The following YME1L1 variants were observed in gnomAD, a reference collection of about 807,000 sequenced individuals.
The protein encoded by YME1L1 is ATP-dependent zinc metalloprotease YME1L1.
A neutral mutation model predicts 90.4 loss-of-function variants in YME1L1; 39 were observed. The observed-to-expected ratio is 0.43, with a 90% CI of 0.33 to 0.56. The LOEUF (loss-of-function observed/expected upper bound fraction) is 0.56. Ranked by LOEUF, YME1L1 falls within the 20% of genes least tolerant of loss-of-function variation. The probability of loss-of-function intolerance (pLI) is 0.03; values close to 1 mark genes in which losing one functional copy is unlikely to be tolerated. For synonymous variants in YME1L1, 284 were observed against 287.3 expected (o/e 0.99, Z 0.12); for missense variants, 617 against 868.4 (o/e 0.71, Z 3.64).
At chr10:27,117,084 GCAA>G (rs1040266827) in intron 15 of YME1L1, among the ~76,000 whole-genome samples, 4 of 152,204 alleles carry the variant, frequency 2.6e-5, no homozygotes, top group South Asian at 2.1e-4. Flanking sequence ...CCTTTATAAA[GCAA>G]CAACAATAGG....
intron 1 of YME1L1, among the ~76,000 whole-genome samples, chr10:27,152,194 A>G (rs2057227822): frequency 6.6e-6 from 1 of 152,236 alleles, no homozygotes; most frequent in South Asian, 2.1e-4. Flanking sequence ...TTCAAGATAC[A>G]TATTTTCTAC....
At chr10:27,133,768 T>C (rs954466876) in intron 7 of YME1L1, among the ~76,000 whole-genome samples, 1 of 152,184 alleles carries the variant, frequency 6.6e-6, no homozygotes, top group African/African-American at 2.4e-5. Flanking sequence ...TTTCAGCTTG[T>C]ATTGCCATTA....
chr10:27,134,003 T>A, intron 7 of YME1L1, 36 bp downstream of exon 7: 6 of 1,416,104 alleles, frequency 4.2e-6, no homozygotes, highest in Middle Eastern at 1.8e-4. Context: ...TTTAAAGGAA[T>A]AAGAAATAAG....
rs1220368519 is a variant in YME1L1 at position 27,110,191 on chromosome 10, C to CA, written c.*1785dup. On this transcript the variant is annotated 3_prime_UTR_variant, in exon 19 of 19. Transcript: ENST00000376016. ...AAATTTAAGACAGATAAGACTTTATCAATATTTTATACGTGTATGTATGTA... is the reference window on the plus strand; with the variant it reads ...AAATTTAAGACAGATAAGACTTTATCAAATATTTTATACGTGTATGTATGTA... 6.6e-6 allele frequency: 1 copy of CA among 152,020 alleles called. No homozygotes were observed. The highest frequency in any genetic ancestry group is 2.4e-5 in the African/African-American group (1 of 41,388). The allele number at this position is 152,020 out of a possible 1,614,324, so 9.4% of individuals were successfully genotyped here.
At chr10:27,149,711 CA>C (rs58900380) in intron 1 of YME1L1, among the ~76,000 whole-genome samples, 286 of 32,342 alleles carry the variant, frequency 8.8e-3, no homozygotes, top group Middle Eastern at 0.077. Flanking sequence ...ACCTGTCTCT[CA>C]AAAAAAAAAA....
At chr10:27,150,648 A>C (rs568402248) in intron 1 of YME1L1, among the ~76,000 whole-genome samples, 9 of 152,332 alleles carry the variant, frequency 5.9e-5, no homozygotes, top group African/African-American at 2.2e-4. Context: ...GCATGCTAAA[A>C]GACACTCCCA....
chr10:27,115,921 A>G (rs2056808011), intron 17 of YME1L1, 139 bp downstream of exon 17: 1 of 767,474 alleles, frequency 1.3e-6, no homozygotes, highest in Non-Finnish European at 2.2e-6. Flanking sequence ...AGAGAATAAC[A>G]ATGTTCAGAA....
At chr10:27,149,515 G>T (rs151041735) in intron 1 of YME1L1, among the ~76,000 whole-genome samples, 2 of 151,522 alleles carry the variant, frequency 1.3e-5, no homozygotes, top group African/African-American at 4.9e-5. Flanking sequence ...TTCAAGACCA[G>T]CCTGACCAAC....
chr10:27,135,005 G>A (rs1481367579), intron 5 of YME1L1, 24 bp from the exon 6 acceptor site: 36 of 1,597,520 alleles, frequency 2.3e-5, no homozygotes, highest in Non-Finnish European at 3.0e-5. Context: ...CAACACATCA[G>A]TACTGGTTAA....
chr10:27,153,979 A>C (rs2057273773), intron 1 of YME1L1, among the ~76,000 whole-genome samples, 199 bp downstream of exon 1: 1 of 152,138 alleles, frequency 6.6e-6, no homozygotes, highest in African/African-American at 2.4e-5. Context: ...CTCTGCCCTC[A>C]ACAGCTTCAT....
chr10:27,115,135 C>T (rs1318798944), intron 17 of YME1L1, among the ~76,000 whole-genome samples: 1 of 152,054 alleles, frequency 6.6e-6, no homozygotes, highest in Non-Finnish European at 1.5e-5. Flanking sequence ...TGACTGTAAT[C>T]CCAGCTACTT....
rs537823090 is a variant in YME1L1, at chr10:27,121,492, C to T, written c.1236-44G>A. ...AGTATCTTTTACTAACACTGAAGCACAGCACACATGTAGAAATGCTCTACA... is the reference window on the plus strand; with the variant it reads ...AGTATCTTTTACTAACACTGAAGCATAGCACACATGTAGAAATGCTCTACA... On this transcript the variant is annotated intron_variant, in intron 11 of 18. Coordinates refer to ENST00000376016, the MANE Select transcript of YME1L1 (RefSeq NM_014263.4). 3.8e-6 allele frequency: 5 copies of T among 1,326,804 alleles called. No homozygotes were observed. The East Asian group carries it at 7.0e-5, about 18-fold the overall frequency. The allele number at this position is 1,326,804 out of a possible 1,614,324, so 82.2% of individuals were successfully genotyped here. A position where few individuals can be genotyped will look rare whatever the true frequency, so the allele number is the denominator to read the frequency against.
chr10:27,144,762 G>C (rs1437208150), intron 3 of YME1L1, among the ~76,000 whole-genome samples: 2 of 152,144 alleles, frequency 1.3e-5, no homozygotes, highest in African/African-American at 4.8e-5. Flanking sequence ...TCCTGGAAAA[G>C]AAAAAGGACA....
At position 27,136,331 on chromosome 10, in the gene YME1L1, T is replaced by A. The variant is rs1219024956; in HGVS notation, c.485A>T (p.Gln162Leu). ...TTCAGCTAATCTCTCGGAGGTAGAC[T>A]GGAGACGTCGTGTCCTTGATTTCAA... is the stretch of plus-strand genomic sequence containing the variant. ...KTLKSRTRRLQSTSERLAETQ... is the reference protein window; with the variant it reads ...KTLKSRTRRLLSTSERLAETQ... Residue 162 changes from glutamine to leucine, a missense_variant, in exon 5 of 19, where the codon CAG becomes CTG. Gln to Leu is a moderately radical substitution (Grantham distance 113). This residue lies in a region of YME1L1 where 311 missense variants were observed against 335.8 expected (regional missense o/e 0.93). Coordinates refer to ENST00000376016, the MANE Select transcript of YME1L1 (RefSeq NM_014263.4). 1.2e-6 allele frequency: 2 copies of A among 1,613,876 alleles called. No homozygotes were observed. Among genetic ancestry groups the A allele is most frequent in the Non-Finnish European group, 1.7e-6 (2 of 1,179,980 alleles).
Position 27,129,747 on chromosome 10 carries a change from T to G in YME1L1, c.858+2112A>C, listed in dbSNP as rs1304019301. ...AAAAAAAAATCAGTAGAAAAACCAC[T>G]CATTTTGACTTAATATAAATTCATG... On this transcript the variant is annotated intron_variant, in intron 8 of 18. Transcript: ENST00000376016. Among the ~76,000 whole-genome samples, 3 of 2,370 alleles carry G rather than the reference T, an allele frequency of 1.3e-3. No individual in the cohort carries two copies. In the East Asian group the frequency reaches 0.17, roughly 132 times the overall value. The allele number at this position is 2,370 out of a possible 152,430, so 1.6% of individuals were successfully genotyped here.
intron 3 of YME1L1, among the ~76,000 whole-genome samples, chr10:27,144,667 C>T (rs2057123545): frequency 6.6e-6 from 1 of 152,034 alleles, no homozygotes. Context: ...AAGTATGTTT[C>T]CTGGAATTAA....
chr10:27,153,392 TATGTTTTAAAAAAACTCA>T (rs2057253858), intron 1 of YME1L1: 7 of 335,416 alleles, frequency 2.1e-5, no homozygotes, highest in Admixed American at 3.9e-5. Context: ...TCTTAAAAAT[TATGTTTTAAAAAAACTCA>T]ATGTTTTAAA....
intron 15 of YME1L1, among the ~76,000 whole-genome samples, chr10:27,116,602 G>A (rs1324143499): frequency 6.6e-6 from 1 of 152,128 alleles, no homozygotes; most frequent in African/African-American, 2.4e-5. Flanking sequence ...GGAGACAGAG[G>A]TTGCAGTGAG....
At chr10:27,139,164 T>C (rs943277152) in intron 4 of YME1L1, among the ~76,000 whole-genome samples, 1 of 152,162 alleles carries the variant, frequency 6.6e-6, no homozygotes, top group African/African-American at 2.4e-5. Context: ...TGCTTGCGTG[T>C]GTATATACAT....
Sources: gnomAD v4.1 joint callset for allele counts (sites outside exome capture counted in the v4.1 genomes callset) on GRCh38, gnomAD v4.1.1 for gene constraint, gnomAD v4.1.1 regional missense constraint, MANE v1.5 for transcripts, NCBI Gene and HGNC (gene_info 2026-07-23, HGNC 2026-07-21) for gene names.